The following IL1RAPL1 variants were observed in gnomAD, a reference collection of about 807,000 sequenced individuals.
IL1RAPL1 encodes interleukin-1 receptor accessory protein-like 1.
A neutral mutation model predicts 48.4 loss-of-function variants in IL1RAPL1; 3 were observed. The ratio of observed to expected loss-of-function variants is 0.06; its 90% CI spans 0.03 to 0.16. IL1RAPL1 has a LOEUF of 0.16. Ranked by LOEUF, IL1RAPL1 falls within the 10% of genes least tolerant of loss-of-function variation. IL1RAPL1 has a pLI of 1.00. For synonymous variants in IL1RAPL1, 185 were observed against 187.7 expected, an observed-to-expected ratio of 0.99 and a Z score of 0.12; for missense variants, 349 against 530.6, an observed-to-expected ratio of 0.66 and a Z score of 3.36.
intron 6 of IL1RAPL1, among the ~76,000 whole-genome samples, chrX:29,791,464 C>T (rs1353520837): frequency 3.8e-5 from 4 of 104,050 alleles, no homozygotes; most frequent in Admixed American, 1.0e-4. Context: ...GCTCTTGTTG[C>T]CCAGGCTGGA....
At chrX:28,857,609 A>G (rs1430796595) in intron 2 of IL1RAPL1, among the ~76,000 whole-genome samples, 1 of 111,454 alleles carries the variant, frequency 9.0e-6, no homozygotes, top group Non-Finnish European at 1.9e-5. Flanking sequence ...AGCCTGGATG[A>G]CAGCACATGT....
At position 29,955,301 on chromosome X, in the gene IL1RAPL1, G is replaced by T. The variant is rs768332451; in HGVS notation, c.1572G>T (p.Val524=). 1 of 1,211,497 alleles carries T rather than the reference G, an allele frequency of 8.3e-7. No individual in the cohort carries two copies. The highest frequency in any genetic ancestry group is 1.1e-6 in the Non-Finnish European group (1 of 895,286). ...ELRGIMNYQE[V]EALKHTIKLL... is the part of the protein sequence containing the mutation. The stretch of plus-strand genomic sequence containing the variant: ...GAGGAATTATGAACTACCAGGAGGT[G>T]GAGGCCCTGAAGCACACCATCAAGC... The change falls in exon 11 of 11, where the codon GTG becomes GTT. Residue 524 remains valine, a synonymous_variant. Coordinates refer to ENST00000378993, the MANE Select transcript of IL1RAPL1 (RefSeq NM_014271.4).
At position 29,800,687 on chromosome X, in the gene IL1RAPL1, G is replaced by GA. The variant is rs368638670; in HGVS notation, c.779-116771dup. ...AATTCAATAAAGATTACATTAGTCAGAAAAAACTCATCTTTGGCCAGGCGC... is the reference window on the plus strand; with the variant it reads ...AATTCAATAAAGATTACATTAGTCAGAAAAAAACTCATCTTTGGCCAGGCGC... On this transcript the variant is annotated intron_variant, in intron 6 of 10. Coordinates refer to ENST00000378993, the MANE Select transcript of IL1RAPL1 (RefSeq NM_014271.4). Among the ~76,000 whole-genome samples, 444 of 108,367 alleles carry GA rather than the reference G, an allele frequency of 4.1e-3. 3 individuals are homozygous for GA. Among genetic ancestry groups the GA allele is most frequent in the African/African-American group, 0.014 (419 of 29,835 alleles). The allele number at this position is 108,367 out of a possible 115,157, so 94.1% of individuals were successfully genotyped here.
At chrX:28,767,163 TA>T (rs760560238) in intron 1 of IL1RAPL1, among the ~76,000 whole-genome samples, 2 of 111,716 alleles carry the variant, frequency 1.8e-5, no homozygotes, top group Non-Finnish European at 3.8e-5. Flanking sequence ...CAACAGTGTA[TA>T]AAGGGTCCCC....
At chrX:29,799,754 G>A (rs773693689) in intron 6 of IL1RAPL1, among the ~76,000 whole-genome samples, 1 of 112,209 alleles carries the variant, frequency 8.9e-6, no homozygotes, top group South Asian at 3.7e-4. Flanking sequence ...TGTTGGGCAG[G>A]CAGTGCTGTA....
intron 3 of IL1RAPL1, among the ~76,000 whole-genome samples, chrX:29,302,807 C>T (rs1334346808): frequency 2.7e-5 from 3 of 111,547 alleles, no homozygotes; most frequent in African/African-American, 9.8e-5. Flanking sequence ...GATTGGACTC[C>T]TCTAGAAACA....
chrX:28,850,158 CAT>C (rs1194477471), intron 2 of IL1RAPL1, among the ~76,000 whole-genome samples: 2 of 112,031 alleles, frequency 1.8e-5, no homozygotes, highest in Admixed American at 9.4e-5. Context: ...TAAAATCACT[CAT>C]GTTTGTTTAC....
intron 3 of IL1RAPL1, among the ~76,000 whole-genome samples, chrX:29,335,111 C>CAAA (rs759581871): frequency 9.5e-6 from 1 of 104,932 alleles, no homozygotes; most frequent in Non-Finnish European, 2.0e-5. Flanking sequence ...CCGTCTCCAC[C>CAAA]AAAAAAAAAA....
intron 2 of IL1RAPL1, among the ~76,000 whole-genome samples, chrX:29,115,171 A>T (rs1928653913): frequency 8.9e-6 from 1 of 111,881 alleles, no homozygotes; most frequent in South Asian, 3.7e-4. Flanking sequence ...ATTATATTGT[A>T]TGGTATCAAT....
intron 5 of IL1RAPL1, among the ~76,000 whole-genome samples, chrX:29,587,871 G>A (rs1329159386): frequency 2.7e-5 from 3 of 111,810 alleles, no homozygotes; most frequent in South Asian, 3.7e-4. Flanking sequence ...GTGTACTGTC[G>A]AATGCCAAAT....
intron 5 of IL1RAPL1, among the ~76,000 whole-genome samples, chrX:29,444,957 G>A (rs1379028573): frequency 8.9e-6 from 1 of 112,149 alleles, no homozygotes; most frequent in African/African-American, 3.2e-5. Flanking sequence ...TCATCACCAT[G>A]AACATTAATT....
At chrX:28,725,798 C>G (rs1020606063) in intron 1 of IL1RAPL1, among the ~76,000 whole-genome samples, 2 of 112,061 alleles carry the variant, frequency 1.8e-5, no homozygotes, top group African/African-American at 6.5e-5. Context: ...TGTGAAATAA[C>G]CTGATGGTGG....
intron 3 of IL1RAPL1, among the ~76,000 whole-genome samples, chrX:29,285,804 A>G (rs950180041): frequency 1.5e-4 from 17 of 111,413 alleles, no homozygotes; most frequent in African/African-American, 4.9e-4. Context: ...TTCTTTTCCA[A>G]TTTGGAAAGG....
chrX:29,158,533 G>C (rs1002775271), intron 2 of IL1RAPL1, among the ~76,000 whole-genome samples: 1 of 110,709 alleles, frequency 9.0e-6, no homozygotes, highest in South Asian at 3.9e-4. Flanking sequence ...CTGCCACCAT[G>C]CCTGGCTAAA....
chrX:29,180,896 C>T (rs1450787952), intron 2 of IL1RAPL1, among the ~76,000 whole-genome samples: 1 of 111,524 alleles, frequency 9.0e-6, no homozygotes, highest in Non-Finnish European at 1.9e-5. Context: ...AATACATGCT[C>T]AAGTATGTCT....
chrX:29,640,758 A>G (rs779292717), intron 5 of IL1RAPL1, among the ~76,000 whole-genome samples: 3 of 112,371 alleles, frequency 2.7e-5, no homozygotes, highest in African/African-American at 9.7e-5. Context: ...CATCTGGACG[A>G]TTGTAATTGC....
At chrX:29,283,771 G>T (rs979014019) in intron 3 of IL1RAPL1, among the ~76,000 whole-genome samples, 92 of 112,143 alleles carry the variant, frequency 8.2e-4, no homozygotes, top group African/African-American at 3.0e-3. Flanking sequence ...GTCTTTCAGG[G>T]CCAATACCAA....
At chrX:28,894,075 G>A (rs1361021078) in intron 2 of IL1RAPL1, among the ~76,000 whole-genome samples, 2 of 111,854 alleles carry the variant, frequency 1.8e-5, no homozygotes, top group East Asian at 2.8e-4. Context: ...GAAGTAAAGC[G>A]GCTTTGAGAA....
intron 1 of IL1RAPL1, among the ~76,000 whole-genome samples, chrX:28,593,665 AATT>A (rs758549188): frequency 3.6e-5 from 4 of 111,694 alleles, no homozygotes; most frequent in African/African-American, 1.3e-4. Context: ...GTAATCATAT[AATT>A]ATAGACTTTT....
Sources: allele counts gnomAD v4.1 joint callset (sites outside exome capture counted in the v4.1 genomes callset), GRCh38; gene constraint gnomAD v4.1.1; transcripts MANE v1.5; gene names NCBI Gene and HGNC (gene_info 2026-07-23, HGNC 2026-07-21).